The following FAM156A variants were observed in gnomAD, a reference collection of about 807,000 sequenced individuals.
FAM156A encodes family with sequence similarity 156 member A, also known as protein FAM156A/FAM156B.
intron 1 of FAM156A, among the ~76,000 whole-genome samples, chrX:52,984,556 C>T (rs1008217537): frequency 1.1e-4 from 12 of 111,843 alleles, no homozygotes; most frequent in Non-Finnish European, 1.5e-4. Flanking sequence ...CTGCCAGCAC[C>T]GAACAACAGA....
At chrX:52,978,707 T>C (rs1355361904) in intron 1 of FAM156A, among the ~76,000 whole-genome samples, 2 of 112,480 alleles carry the variant, frequency 1.8e-5, no homozygotes, top group Non-Finnish European at 1.9e-5. Context: ...AAAGGACTGG[T>C]CTGGGTATCA....
chrX:52,992,781 C>T (rs1254557757), intron 1 of FAM156A, among the ~76,000 whole-genome samples: 1 of 111,628 alleles, frequency 9.0e-6, no homozygotes, highest in African/African-American at 3.3e-5. Flanking sequence ...CCTTCCCCTT[C>T]TGCCTCTCTC....
intron 1 of FAM156A, among the ~76,000 whole-genome samples, chrX:52,973,916 G>A (rs782045116): frequency 2.7e-5 from 3 of 110,998 alleles, no homozygotes; most frequent in Non-Finnish European, 5.7e-5. Flanking sequence ...CACCCACCTC[G>A]ACCTCCCAAA....
At chrX:52,985,250 A>C (rs1470466704) in intron 1 of FAM156A, among the ~76,000 whole-genome samples, 1 of 111,735 alleles carries the variant, frequency 8.9e-6, no homozygotes, top group African/African-American at 3.2e-5. Flanking sequence ...AGAGAAAGTA[A>C]ACAGGAAAAT....
chrX:52,962,671 G>GTA (rs1182249243), upstream of FAM156A, among the ~76,000 whole-genome samples: 1 of 91,280 alleles, frequency 1.1e-5, no homozygotes, highest in Non-Finnish European at 2.3e-5. Context: ...CCACCGGGAG[G>GTA]CGCTTTGCCC....
intron 1 of FAM156A, among the ~76,000 whole-genome samples, chrX:52,975,543 G>A (rs2146593649): frequency 8.9e-6 from 1 of 112,205 alleles, no homozygotes; most frequent in Non-Finnish European, 1.9e-5. Flanking sequence ...ACCCAACCCA[G>A]CCCTGCTCAT....
At chrX:52,989,954 T>C (rs1291030087) in intron 1 of FAM156A, among the ~76,000 whole-genome samples, 12 of 111,706 alleles carry the variant, frequency 1.1e-4, no homozygotes, top group African/African-American at 3.9e-4. Context: ...CAAAATTATA[T>C]GAGAATTTTC....
chrX:52,973,865 T>C (rs1266749461), intron 1 of FAM156A, among the ~76,000 whole-genome samples: 1 of 111,248 alleles, frequency 9.0e-6, no homozygotes, highest in East Asian at 2.8e-4. Flanking sequence ...GGTTTCACCA[T>C]GTTGCCCAGC....
intron 1 of FAM156A, among the ~76,000 whole-genome samples, chrX:52,990,014 A>G (rs947407404): frequency 2.7e-5 from 3 of 111,699 alleles, no homozygotes; most frequent in Non-Finnish European, 5.7e-5. Flanking sequence ...AGTAGGAAGG[A>G]GTGAAAAGCC....
intron 1 of FAM156A, among the ~76,000 whole-genome samples, chrX:52,977,498 A>G (rs782387038): frequency 8.9e-6 from 1 of 111,881 alleles, no homozygotes; most frequent in African/African-American, 3.2e-5. Flanking sequence ...GTGTAGTGGT[A>G]TGATCATGGT....
intron 1 of FAM156A, among the ~76,000 whole-genome samples, chrX:52,985,147 G>A (rs56073929): frequency 0.05 from 5,483 of 109,143 alleles, 157 homozygotes; most frequent in Non-Finnish European, 0.078. Flanking sequence ...CCATATCTTG[G>A]GTCACAAAAT....
chrX:52,984,440 T>C (rs1556793998), intron 1 of FAM156A, among the ~76,000 whole-genome samples: 1 of 112,529 alleles, frequency 8.9e-6, no homozygotes, highest in Non-Finnish European at 1.9e-5. Context: ...AAGGGAATCA[T>C]GGGAATCCTT....
chrX:52,980,416 G>A (rs1235395258), intron 1 of FAM156A, among the ~76,000 whole-genome samples: 2 of 111,995 alleles, frequency 1.8e-5, no homozygotes, highest in African/African-American at 6.5e-5. Context: ...CACCGGCTAT[G>A]CCCATTGCTG....
intron 1 of FAM156A, among the ~76,000 whole-genome samples, chrX:52,987,941 T>C (rs181701874): frequency 8.9e-6 from 1 of 112,170 alleles, no homozygotes; most frequent in Admixed American, 9.5e-5. Context: ...ACTATTGATA[T>C]ATTCAACGAT....
chrX:52,978,742 T>C (rs1475189492), intron 1 of FAM156A, among the ~76,000 whole-genome samples: 1 of 112,257 alleles, frequency 8.9e-6, no homozygotes, highest in Non-Finnish European at 1.9e-5. Flanking sequence ...CCTGAGTGTG[T>C]CATTACCATA....
intron 1 of FAM156A, among the ~76,000 whole-genome samples, chrX:52,973,268 A>C (rs1288763245): frequency 1.8e-5 from 2 of 108,731 alleles, no homozygotes; most frequent in African/African-American, 6.7e-5. Context: ...TGCTGCAAAA[A>C]AAAAGAGAGA....
chrX:52,976,456 T>C (rs1556792270), intron 1 of FAM156A, among the ~76,000 whole-genome samples: 2 of 111,052 alleles, frequency 1.8e-5, no homozygotes, highest in South Asian at 7.5e-4. Flanking sequence ...AAAAAAAAAT[T>C]ATTAGAGAAA....
chrX:52,974,860 G>C (rs1245600291), intron 1 of FAM156A, among the ~76,000 whole-genome samples: 1 of 110,069 alleles, frequency 9.1e-6, no homozygotes, highest in East Asian at 2.8e-4. Flanking sequence ...CTCGGGGCTG[G>C]GTTCCGAAAG....
At chrX:52,975,579 A>C in intron 1 of FAM156A, among the ~76,000 whole-genome samples, 1 of 111,844 alleles carries the variant, frequency 8.9e-6, no homozygotes, top group Non-Finnish European at 1.9e-5. Context: ...ACAACAACCT[A>C]TATGTGCCTC....
Sources: gnomAD v4.1 joint callset for allele counts (sites outside exome capture counted in the v4.1 genomes callset) on GRCh38, gnomAD v4.1.1 for gene constraint, MANE v1.5 for transcripts, NCBI Gene and HGNC (gene_info 2026-07-23, HGNC 2026-07-21) for gene names.